LRRK1: variants seen among roughly 807,000 people sequenced by gnomAD.
LRRK1 encodes the protein leucine-rich repeat serine/threonine-protein kinase 1.
In LRRK1, 113 loss-of-function variants were observed where a neutral mutation model predicts 209.1. That is an observed-to-expected ratio of 0.54 (90% CI 0.46 to 0.63). The LOEUF (loss-of-function observed/expected upper bound fraction) is 0.63, where lower values mean the gene tolerates loss of function less well. Ranked by LOEUF, LRRK1 falls within the 30% of genes least tolerant of loss-of-function variation. The probability of loss-of-function intolerance (pLI) is 0.00; values close to 1 mark genes in which losing one functional copy is unlikely to be tolerated. For synonymous variants in LRRK1, 1,144 were observed against 1,099.7 expected (o/e 1.04, Z -0.80); for missense variants, 2,284 against 2,632.2 (o/e 0.87, Z 2.89).
intron 2 of LRRK1, among the ~76,000 whole-genome samples, chr15:100,947,609 C>T (rs916171175): frequency 2.6e-5 from 4 of 152,166 alleles, no homozygotes; most frequent in Non-Finnish European, 5.9e-5. Context: ...ATCCTCTGCT[C>T]CTTCCGCTGC....
rs1201195721 is a variant in LRRK1 at position 101,027,390 on chromosome 15, C to T, written c.2526+9C>T. 1 of 1,612,296 alleles carries T rather than the reference C, an allele frequency of 6.2e-7. No individual in the cohort carries two copies. Among genetic ancestry groups the T allele is most frequent in the Non-Finnish European group, 8.5e-7 (1 of 1,179,702 alleles). On this transcript the variant is annotated intron_variant, in intron 18 of 33. Coordinates refer to ENST00000388948, the MANE Select transcript of LRRK1 (RefSeq NM_024652.6). The surrounding 1 kb of genome is among the most constrained non-coding windows in gnomAD (Gnocchi z 5.1). ...GACTGGCAGGGCGGCTGGTGGGTAC[C>T]TTGCTGGTCCAGTTTAAACCAGTCT... is the stretch of plus-strand genomic sequence containing the variant.
At chr15:101,033,428 A>G (rs902325268) in intron 20 of LRRK1, among the ~76,000 whole-genome samples, 2 of 151,936 alleles carry the variant, frequency 1.3e-5, no homozygotes, top group African/African-American at 2.4e-5. Context: ...TCCCACTCTC[A>G]CACCCTTCCT....
At chr15:100,972,113 C>A (rs1596218298) in intron 2 of LRRK1, among the ~76,000 whole-genome samples, 1 of 152,098 alleles carries the variant, frequency 6.6e-6, no homozygotes, top group East Asian at 1.9e-4. Context: ...CAGGCGCGTG[C>A]CACCACACCC....
At chr15:100,921,223 G>A (rs921080038) in intron 1 of LRRK1, among the ~76,000 whole-genome samples, 1 of 152,188 alleles carries the variant, frequency 6.6e-6, no homozygotes, top group East Asian at 1.9e-4. Flanking sequence ...TGGTGGTAGA[G>A]TGACTGGATG....
intron 2 of LRRK1, among the ~76,000 whole-genome samples, chr15:100,962,819 A>AT (rs1567202888): frequency 1.1e-4 from 2 of 18,844 alleles, no homozygotes; most frequent in African/African-American, 3.7e-4. Flanking sequence ...ATATATATAT[A>AT]TATATTTTTT....
chr15:100,998,179 CAA>C (rs536380783), intron 6 of LRRK1, among the ~76,000 whole-genome samples: 35 of 88,774 alleles, frequency 3.9e-4, no homozygotes, highest in Admixed American at 5.5e-4. Context: ...GACTCTGTCT[CAA>C]AAAAAAAAAA....
chr15:100,987,052 C>T (rs551471984), intron 4 of LRRK1, among the ~76,000 whole-genome samples: 2 of 152,282 alleles, frequency 1.3e-5, no homozygotes, highest in East Asian at 3.9e-4. Flanking sequence ...CCCAGATATT[C>T]TTGTGTAAGT....
intron 12 of LRRK1, among the ~76,000 whole-genome samples, chr15:101,017,168 A>G (rs8037401): frequency 0.9 from 137,589 of 152,062 alleles, 63,794 homozygotes; most frequent in East Asian, 1. Context: ...TTTCTTCTTC[A>G]GTTTGATAGA....
intron 3 of LRRK1, among the ~76,000 whole-genome samples, chr15:100,979,392 TA>T (rs1259821075): frequency 6.6e-6 from 1 of 152,150 alleles, no homozygotes. Flanking sequence ...TCATTGTATT[TA>T]AAAAATACTA....
chr15:100,929,910 G>A (rs767805053), intron 2 of LRRK1, among the ~76,000 whole-genome samples: 25 of 152,244 alleles, frequency 1.6e-4, no homozygotes, highest in Admixed American at 2.6e-4. Context: ...GGCTGTGTGC[G>A]TCCATCCATG....
intron 15 of LRRK1, among the ~76,000 whole-genome samples, chr15:101,023,570 A>T (rs1272288070): frequency 6.6e-6 from 1 of 152,174 alleles, no homozygotes; most frequent in Non-Finnish European, 1.5e-5. Flanking sequence ...CCACCCTGTG[A>T]TTCCTCGGGA....
In LRRK1 at chr15:101,022,995, T is replaced by C. The variant is rs116125600; in HGVS notation, c.2067+398T>C. 5.5e-3 allele frequency among the ~76,000 whole-genome samples: 843 copies of C among 152,080 alleles called. 15 individuals carry two copies. Among genetic ancestry groups the C allele is most frequent in the African/African-American group, 0.019 (799 of 41,454 alleles). On this transcript the variant is annotated intron_variant, in intron 15 of 33. Coordinates refer to ENST00000388948, the MANE Select transcript of LRRK1 (RefSeq NM_024652.6). The surrounding 1 kb of genome is among the most constrained non-coding windows in gnomAD (Gnocchi z 4.0). The stretch of plus-strand genomic sequence containing the variant: ...GATTCCCTTGAGGGGCTTTTAAAGA[T>C]AGCAATTCCCAGGCCTCACCTCACT...
intron 20 of LRRK1, among the ~76,000 whole-genome samples, chr15:101,030,997 C>T (rs780730460): frequency 1.3e-5 from 2 of 152,170 alleles, no homozygotes; most frequent in African/African-American, 4.8e-5. Flanking sequence ...TCAGTGAGAA[C>T]ATACGATGTT....
intron 2 of LRRK1, among the ~76,000 whole-genome samples, chr15:100,926,592 T>C (rs557934789): frequency 6.3e-5 from 1 of 15,964 alleles, no homozygotes; most frequent in Non-Finnish European, 2.4e-4. Flanking sequence ...GAGCAGCATC[T>C]TGGGGCAGGG....
chr15:101,016,481 C>T (rs564737607), intron 12 of LRRK1, among the ~76,000 whole-genome samples: 26 of 151,352 alleles, frequency 1.7e-4, no homozygotes, highest in African/African-American at 2.2e-4. Flanking sequence ...CCACCACGCC[C>T]GGCCCCTCTT....
intron 24 of LRRK1, 115 bp downstream of exon 24, chr15:101,052,075 C>G: frequency 1.7e-6 from 2 of 1,180,502 alleles, no homozygotes; most frequent in Non-Finnish European, 2.4e-6. Context: ...GGTGCCCCGG[C>G]CATGGCTTCC....
In LRRK1 at chr15:101,073,613, C is replaced by T. The variant is rs1460501792; in HGVS notation, c.*4765C>T. On this transcript the variant is annotated 3_prime_UTR_variant, in exon 34 of 34. Transcript: ENST00000388948. ...GCCCCAACCTCTTATCTCTGTGCCC[C>T]AATCCCTTATTTCCATGCCCCCACC... 1 of 152,140 alleles carries T rather than the reference C, an allele frequency of 6.6e-6. No individual in the cohort carries two copies. The highest frequency in any genetic ancestry group is 1.5e-5 in the Non-Finnish European group (1 of 68,030). 9.4% of individuals were successfully genotyped at this position (152,140 alleles called of 1,614,324 possible). A position where few individuals can be genotyped will look rare whatever the true frequency, so the allele number is the denominator to read the frequency against.
rs1455180731 is a variant in LRRK1 at position 101,075,131 on chromosome 15, C to A, written c.*6283C>A. ...TTAATCAATACGGAGGCTACCCACT[C>A]CACATTACCTTCTTTTCAAGGGCCT... On this transcript the variant is annotated 3_prime_UTR_variant, in exon 34 of 34. Transcript: ENST00000388948. The A allele has an allele frequency of 1.5e-5, 1 of 65,472 alleles. No individual in the cohort carries two copies. Among genetic ancestry groups the A allele is most frequent in the African/African-American group, 7.9e-5 (1 of 12,692 alleles). 4.1% of individuals were successfully genotyped at this position (65,472 alleles called of 1,614,324 possible). A position where few individuals can be genotyped will look rare whatever the true frequency, so the allele number is the denominator to read the frequency against.
At chr15:100,944,279 T>C (rs2042497090) in intron 2 of LRRK1, among the ~76,000 whole-genome samples, 1 of 152,162 alleles carries the variant, frequency 6.6e-6, no homozygotes, top group South Asian at 2.1e-4. Flanking sequence ...AGGAAAAAGA[T>C]CTGTGACTGC....
Sources: gnomAD v4.1 joint callset for allele counts (sites outside exome capture counted in the v4.1 genomes callset) on GRCh38, gnomAD v4.1.1 for gene constraint, Gnocchi (gnomAD v3.1) non-coding constraint, MANE v1.5 for transcripts, NCBI Gene and HGNC (gene_info 2026-07-23, HGNC 2026-07-21) for gene names.